CNOT6L: variants seen among roughly 807,000 people sequenced by gnomAD.
CNOT6L encodes CCR4-NOT transcription complex subunit 6-like.
A neutral mutation model predicts 64.0 loss-of-function variants in CNOT6L; 7 were observed. The observed-to-expected ratio is 0.11, with a 90% CI of 0.06 to 0.21. The LOEUF is 0.21. Ranked by LOEUF, CNOT6L falls within the 10% of genes least tolerant of loss-of-function variation. The probability of loss-of-function intolerance (pLI) is 1.00; values close to 1 mark genes in which losing one functional copy is unlikely to be tolerated. For synonymous variants in CNOT6L, 193 were observed against 243.4 expected, an observed-to-expected ratio of 0.79 and a Z score of 1.93; for missense variants, 245 against 669.0, an observed-to-expected ratio of 0.37 and a Z score of 6.99.
intron 6 of CNOT6L, among the ~76,000 whole-genome samples, chr4:77,745,274 AT>A (rs1724062932): frequency 6.6e-6 from 1 of 152,192 alleles, no homozygotes; most frequent in Admixed American, 6.5e-5. Flanking sequence ...ATATCTAAGT[AT>A]TTTTTGTGCC....
At position 77,714,438 on chromosome 4, in the gene CNOT6L, TAA is replaced by T. The variant is rs201499481; in HGVS notation, c.*5991_*5992del. 4 of 134,680 alleles carry T rather than the reference TAA, an allele frequency of 3.0e-5. No homozygotes were observed. Among genetic ancestry groups the T allele is most frequent in the African/African-American group, 5.9e-5 (2 of 33,696 alleles). The allele number at this position is 134,680 out of a possible 1,614,324, so 8.3% of individuals were successfully genotyped here. ...AGAAAAAGTACATACACACTCTCTT[TAA>T]AAAAAAAAAAAAAAAAAAAAAAAAA... On this transcript the variant is annotated 3_prime_UTR_variant, in exon 12 of 12. Coordinates refer to ENST00000504123, the MANE Select transcript of CNOT6L (RefSeq NM_144571.3).
intron 7 of CNOT6L, among the ~76,000 whole-genome samples, chr4:77,742,742 C>T (rs1040015385): frequency 5.3e-5 from 8 of 152,074 alleles, no homozygotes; most frequent in East Asian, 1.9e-4. Flanking sequence ...GAGTGAGAAA[C>T]GTAAAATCTA....
At chr4:77,788,310 A>T (rs948534296) in intron 1 of CNOT6L, among the ~76,000 whole-genome samples, 2 of 152,244 alleles carry the variant, frequency 1.3e-5, no homozygotes, top group African/African-American at 4.8e-5. Context: ...TACATTATAC[A>T]AGACAAAATG....
chr4:77,754,250 C>CA (rs1372645823), intron 5 of CNOT6L, among the ~76,000 whole-genome samples: 9 of 151,916 alleles, frequency 5.9e-5, no homozygotes, highest in Non-Finnish European at 1.0e-4. Context: ...GACTGAATAC[C>CA]AAAAAATATA....
chr4:77,792,137 C>T (rs1730223838), intron 1 of CNOT6L, among the ~76,000 whole-genome samples: 1 of 152,132 alleles, frequency 6.6e-6, no homozygotes, highest in South Asian at 2.1e-4. Flanking sequence ...GTTTTCCCAA[C>T]AACCTCTAGG....
chr4:77,819,098 GAA>G (rs1339125685), intron 1 of CNOT6L: 1 of 703,570 alleles, frequency 1.4e-6, no homozygotes, highest in East Asian at 3.7e-5. Flanking sequence ...GCCCGCCTCT[GAA>G]GAGACGCGGG....
chr4:77,778,886 A>G (rs909490352), intron 1 of CNOT6L, among the ~76,000 whole-genome samples: 1 of 151,628 alleles, frequency 6.6e-6, no homozygotes, highest in African/African-American at 2.4e-5. Context: ...CTACTAAAAA[A>G]AATACAAAAA....
At chr4:77,806,223 C>T (rs1038668372) in intron 1 of CNOT6L, among the ~76,000 whole-genome samples, 2 of 152,018 alleles carry the variant, frequency 1.3e-5, no homozygotes, top group Admixed American at 6.6e-5. Context: ...ATTGGGAGTT[C>T]GAGACCAGCC....
intron 4 of CNOT6L, among the ~76,000 whole-genome samples, chr4:77,757,466 A>T (rs1725705083): frequency 1.3e-5 from 2 of 152,238 alleles, no homozygotes; most frequent in Non-Finnish European, 2.9e-5. Flanking sequence ...TTGTTATAAC[A>T]GTAATTAGGA....
chr4:77,791,904 C>CAT (rs1003659562), intron 1 of CNOT6L, among the ~76,000 whole-genome samples: 10 of 151,870 alleles, frequency 6.6e-5, no homozygotes, highest in Admixed American at 1.3e-4. Context: ...TATATATGTA[C>CAT]ATATATATAT....
intron 4 of CNOT6L, among the ~76,000 whole-genome samples, chr4:77,760,061 T>C (rs140758050): frequency 1.5e-3 from 236 of 152,278 alleles, no homozygotes; most frequent in African/African-American, 5.4e-3. Flanking sequence ...AAAAAGGATG[T>C]CACCAGGAGA....
chr4:77,812,437 C>CA (rs373562459), intron 1 of CNOT6L, among the ~76,000 whole-genome samples: 65 of 126,492 alleles, frequency 5.1e-4, no homozygotes, highest in South Asian at 1.0e-3. Context: ...GACTCCATCT[C>CA]AAAAAAAAAA....
intron 7 of CNOT6L, among the ~76,000 whole-genome samples, chr4:77,743,200 A>G (rs1357943317): frequency 6.6e-6 from 1 of 152,176 alleles, no homozygotes; most frequent in East Asian, 1.9e-4. Context: ...TATTTTTTCA[A>G]AATTTTCAAC....
In CNOT6L at chr4:77,774,628, T is replaced by C. The variant is rs1258354493; in HGVS notation, c.216A>G (p.Pro72=). ...HLNDNYLSRI[P]PDIAKLHNLV... ...GATTATGAAGCTTGGCAATATCAGG[T>C]GGAATGCGACTAAGGTAATTGTCAT... The change falls in exon 3 of 12, where the codon CCA becomes CCG. Residue 72 remains proline, a synonymous_variant. Transcript: ENST00000504123. 1.2e-6 allele frequency: 2 copies of C among 1,613,502 alleles called. No individual in the cohort carries two copies. The highest frequency in any genetic ancestry group is 1.3e-5 in the African/African-American group (1 of 74,846).
At chr4:77,779,689 A>C (rs938648165) in intron 1 of CNOT6L, among the ~76,000 whole-genome samples, 2 of 152,216 alleles carry the variant, frequency 1.3e-5, no homozygotes, top group Non-Finnish European at 2.9e-5. Context: ...GGCTGGGCGC[A>C]GTGGCTCACG....
chr4:77,764,742 G>T (rs938260261), intron 4 of CNOT6L, among the ~76,000 whole-genome samples: 5 of 152,278 alleles, frequency 3.3e-5, no homozygotes, highest in Admixed American at 1.3e-4. Context: ...TCAACATACT[G>T]ACGCTTTCTG....
intron 5 of CNOT6L, among the ~76,000 whole-genome samples, chr4:77,752,053 G>C (rs1298626169): frequency 6.6e-6 from 1 of 152,114 alleles, no homozygotes; most frequent in Admixed American, 6.5e-5. Context: ...GGAGCCTGTA[G>C]TCCCTAGCCA....
intron 1 of CNOT6L, among the ~76,000 whole-genome samples, chr4:77,791,868 T>C (rs1435864603): frequency 6.6e-6 from 1 of 152,168 alleles, no homozygotes; most frequent in Non-Finnish European, 1.5e-5. Flanking sequence ...AATTTATAGA[T>C]TCAAGACCAT....
chr4:77,772,190 A>G (rs112183551), intron 4 of CNOT6L, among the ~76,000 whole-genome samples: 117 of 152,360 alleles, frequency 7.7e-4, no homozygotes, highest in Middle Eastern at 3.4e-3. Context: ...AAAGCTAAAC[A>G]TGAGGCATTC....
Sources: allele counts gnomAD v4.1 joint callset (sites outside exome capture counted in the v4.1 genomes callset), GRCh38; gene constraint gnomAD v4.1.1; transcripts MANE v1.5; gene names NCBI Gene and HGNC (gene_info 2026-07-23, HGNC 2026-07-21).